The following SCAF8 variants were observed in gnomAD, a reference collection of about 807,000 sequenced individuals.
SCAF8 encodes SR-related CTD associated factor 8, also known as SR-related and CTD-associated factor 8.
A neutral mutation model predicts 140.5 loss-of-function variants in SCAF8; 23 were observed. The ratio of observed to expected loss-of-function variants is 0.16; its 90% confidence interval spans 0.12 to 0.23. The LOEUF (loss-of-function observed/expected upper bound fraction) is 0.23. SCAF8 is among the 10% of genes least tolerant of loss of function. SCAF8 has a pLI of 1.00. For synonymous variants in SCAF8, 575 were observed against 528.9 expected, an observed-to-expected ratio of 1.09 and a Z score of -1.20; for missense variants, 1,397 against 1,555.7, an observed-to-expected ratio of 0.90 and a Z score of 1.72.
At chr6:154,740,538 C>G (rs1391597735) in intron 1 of SCAF8, among the ~76,000 whole-genome samples, 1 of 151,902 alleles carries the variant, frequency 6.6e-6, no homozygotes, top group Non-Finnish European at 1.5e-5. Flanking sequence ...ACTGTATTTC[C>G]TTTGTTTCAT....
chr6:154,805,184 A>G (rs1777876854), intron 8 of SCAF8, among the ~76,000 whole-genome samples, 185 bp from the exon 9 acceptor site: 1 of 116,906 alleles, frequency 8.6e-6, no homozygotes, highest in African/African-American at 4.4e-5. Context: ...CAATTGAAGA[A>G]TGTATTTTTC....
rs758654277 is a variant in SCAF8 at position 154,826,250 on chromosome 6, AGT to A, written c.2072-920_2072-919del. Reference sequence around the variant, plus strand: ...TTAAATATTTCAGAAGATATTTTTAAGTGATTATTTCAAAAATCATAACCATA... The same window carrying A: ...TTAAATATTTCAGAAGATATTTTTAAGATTATTTCAAAAATCATAACCATA... On this transcript the variant is annotated intron_variant, in intron 17 of 19. Transcript: ENST00000367178. Among the ~76,000 whole-genome samples, 182 of 152,288 alleles carry A rather than the reference AGT, an allele frequency of 1.2e-3. 1 individual carries two copies. The highest frequency in any genetic ancestry group is 1.6e-3 in the Non-Finnish European group (111 of 68,008).
At chr6:154,794,772 GT>G (rs148422205) in intron 5 of SCAF8, among the ~76,000 whole-genome samples, 375 of 26,224 alleles carry the variant, frequency 0.014, 15 homozygotes, top group African/African-American at 0.038. Context: ...GGGGGGGGGG[GT>G]GTGGGGGGTG....
At chr6:154,778,769 ATGTGTGTGTGTGTGTGTGTG>A (rs71021079) in intron 3 of SCAF8, among the ~76,000 whole-genome samples, 2 of 142,060 alleles carry the variant, frequency 1.4e-5, no homozygotes, top group East Asian at 2.1e-4. Flanking sequence ...GTCTCAAAAA[ATGTGTGTGTGTGTGTGTGTG>A]TGTGTGTGTG....
rs1249815274 is a variant in SCAF8 at position 154,820,279 on chromosome 6, G to T, written c.1738G>T (p.Asp580Tyr). Residue 580 changes from aspartate (D) to tyrosine (Y), a missense_variant, in exon 15 of 20, where the codon GAC (aspartate) becomes TAC (tyrosine). Asp to Tyr is a radical substitution (Grantham distance 160). Transcript: ENST00000367178. ...ACCATGGGAAAAAGTTAAAGTGGAT[G>T]ACTTGGAAGGTTTTGCAGAAGGAGG... Reference protein sequence around the residue: ...YIPWEKVKVDDLEGFAEGGMI... With the variant: ...YIPWEKVKVDYLEGFAEGGMI... The T allele has an allele frequency of 9.9e-6, 16 of 1,612,080 alleles. No homozygotes were observed. The highest frequency in any genetic ancestry group is 1.4e-5 in the Non-Finnish European group (16 of 1,179,394).
intron 1 of SCAF8, chr6:154,741,955 G>A (rs1778581859): frequency 2.1e-5 from 32 of 1,531,336 alleles, no homozygotes; most frequent in Non-Finnish European, 2.7e-5. Flanking sequence ...CTCTCTCTCA[G>A]GATTGTGCCT....
At chr6:154,756,026 T>C (rs1778958136) in intron 1 of SCAF8, among the ~76,000 whole-genome samples, 1 of 152,262 alleles carries the variant, frequency 6.6e-6, no homozygotes, top group Non-Finnish European at 1.5e-5. Context: ...CATTTTCTTA[T>C]TAAACTTTAT....
At chr6:154,737,118 A>G (rs997072779) in intron 1 of SCAF8, among the ~76,000 whole-genome samples, 2 of 152,240 alleles carry the variant, frequency 1.3e-5, no homozygotes, top group Non-Finnish European at 2.9e-5. Context: ...ATTGTTTTCC[A>G]TTAAATTATG....
chr6:154,762,011 T>C (rs921478974), intron 1 of SCAF8, among the ~76,000 whole-genome samples: 6 of 152,316 alleles, frequency 3.9e-5, no homozygotes, highest in African/African-American at 1.2e-4. Flanking sequence ...AAAGCAGATA[T>C]TGTTTTTAAA....
intron 1 of SCAF8, among the ~76,000 whole-genome samples, chr6:154,766,658 C>T (rs1427725318): frequency 8.5e-6 from 1 of 117,036 alleles, no homozygotes; most frequent in Non-Finnish European, 1.7e-5. Context: ...CCTCCAGCAG[C>T]ACCCCCCCCC....
intron 4 of SCAF8, among the ~76,000 whole-genome samples, chr6:154,789,810 G>T (rs1219787885): frequency 2.0e-5 from 3 of 152,184 alleles, no homozygotes; most frequent in Admixed American, 1.3e-4. Flanking sequence ...CTCCCAAAGT[G>T]CTGGGATTAC....
chr6:154,802,877 A>C (rs888976900), intron 7 of SCAF8, among the ~76,000 whole-genome samples: 5 of 152,192 alleles, frequency 3.3e-5, no homozygotes, highest in African/African-American at 1.2e-4. Flanking sequence ...ACTATACTGT[A>C]ACTATAATAA....
intron 1 of SCAF8, among the ~76,000 whole-genome samples, chr6:154,762,230 G>A (rs959802441): frequency 2.0e-5 from 3 of 152,206 alleles, no homozygotes; most frequent in Non-Finnish European, 2.9e-5. Flanking sequence ...GGATCTAGGC[G>A]TTGGTTAGCT....
Position 154,833,362 on chromosome 6 carries a change from A to G in SCAF8, c.3783A>G (p.Pro1261=), listed in dbSNP as rs1164631450. The G allele has an allele frequency of 6.2e-7, 1 of 1,613,674 alleles. No homozygotes were observed. Among genetic ancestry groups the G allele is most frequent in the Non-Finnish European group, 8.5e-7 (1 of 1,179,866 alleles). The change falls in exon 20 of 20, where the codon CCA becomes CCG. Residue 1261 remains proline, a synonymous_variant. Transcript: ENST00000367178. Reference sequence around the variant, plus strand: ...CAGTTGCTGATATAGAAAGTGAACCAGTGGTAGAAAGCACAGAAACTGAGG... The same window carrying G: ...CAGTTGCTGATATAGAAAGTGAACCGGTGGTAGAAAGCACAGAAACTGAGG... ...SDTVADIESE[P]VVESTETEGT
Position 154,787,856 on chromosome 6 carries a change from A to T in SCAF8, c.160-5A>T. 1 of 1,579,352 alleles carries T rather than the reference A, an allele frequency of 6.3e-7. No homozygotes were observed. Among genetic ancestry groups the T allele is most frequent in the Non-Finnish European group, 8.6e-7 (1 of 1,164,446 alleles). On this transcript the variant is annotated splice_polypyrimidine_tract_variant and splice_region_variant and intron_variant, in intron 3 of 19. Coordinates refer to ENST00000367178, the MANE Select transcript of SCAF8 (RefSeq NM_014892.5). The stretch of plus-strand genomic sequence containing the variant: ...TTTCCTTTTCATTCTTCTTTTTTTC[A>T]TCAGTGTAAACCAGAATACAAAGTA...
intron 3 of SCAF8, among the ~76,000 whole-genome samples, chr6:154,779,981 C>G (rs1409486519): frequency 6.6e-6 from 1 of 152,098 alleles, no homozygotes; most frequent in Middle Eastern, 3.4e-3. Flanking sequence ...GACACACTAA[C>G]CTTATTCAGA....
intron 18 of SCAF8, among the ~76,000 whole-genome samples, chr6:154,828,608 T>C (rs1441836957): frequency 6.6e-6 from 1 of 152,172 alleles, no homozygotes; most frequent in East Asian, 1.9e-4. Context: ...GAGAGCTACT[T>C]AGCTTTTTGG....
intron 6 of SCAF8, among the ~76,000 whole-genome samples, chr6:154,795,595 T>C (rs1383704783): frequency 1.3e-5 from 2 of 152,098 alleles, no homozygotes; most frequent in East Asian, 1.9e-4. Flanking sequence ...GGAGGTGTAT[T>C]TGAGGAAGTG....
At chr6:154,790,497 T>TTTTTTTTTTTTTTTTTTTTTTTTG (rs1777383837) in intron 4 of SCAF8, among the ~76,000 whole-genome samples, 1 of 20,858 alleles carries the variant, frequency 4.8e-5, no homozygotes, top group Non-Finnish European at 7.0e-5. Flanking sequence ...GAATTTTTTT[T>TTTTTTTTTTTTTTTTTTTTTTTTG]TTTTTTTTTT....
Sources: gnomAD v4.1 joint callset for allele counts (sites outside exome capture counted in the v4.1 genomes callset) on GRCh38, gnomAD v4.1.1 for gene constraint, MANE v1.5 for transcripts, NCBI Gene and HGNC (gene_info 2026-07-23, HGNC 2026-07-21) for gene names.